NR3C2: variants seen among roughly 807,000 people sequenced by gnomAD.
NR3C2 encodes nuclear receptor subfamily 3 group C member 2.
Under a neutral mutation model 86.4 loss-of-function variants are expected in NR3C2, and 15 were observed. The observed-to-expected ratio is 0.17, with a 90% CI of 0.12 to 0.27. NR3C2 has a LOEUF of 0.27. Among genes scored for constraint, NR3C2 ranks in the 10% least tolerant of loss-of-function variants. The pLI is 1.00. For missense variants in NR3C2, 960 were observed against 1,195.6 expected, an observed-to-expected ratio of 0.80 and a Z score of 2.91; for synonymous variants, 458 against 450.5, an observed-to-expected ratio of 1.02 and a Z score of -0.21.
At chr4:148,363,179 T>C (rs1383859198) in intron 2 of NR3C2, among the ~76,000 whole-genome samples, 1 of 152,162 alleles carries the variant, frequency 6.6e-6, no homozygotes, top group Non-Finnish European at 1.5e-5. Flanking sequence ...TGAGTGACCA[T>C]GAGGGGCTAA....
chr4:148,263,612 T>G (rs376863877), intron 2 of NR3C2, among the ~76,000 whole-genome samples: 1 of 152,246 alleles, frequency 6.6e-6, no homozygotes, highest in Non-Finnish European at 1.5e-5. Flanking sequence ...ATAAAAATCT[T>G]AGTAGGACAC....
chr4:148,382,739 T>C (rs952010435), intron 2 of NR3C2, among the ~76,000 whole-genome samples: 1 of 152,196 alleles, frequency 6.6e-6, no homozygotes, highest in East Asian at 1.9e-4. Context: ...ATACTGAGTT[T>C]TACAACACAA....
intron 2 of NR3C2, among the ~76,000 whole-genome samples, chr4:148,338,888 G>A (rs551311302): frequency 6.6e-6 from 1 of 152,208 alleles, no homozygotes; most frequent in Non-Finnish European, 1.5e-5. Flanking sequence ...ACTGGTGCCA[G>A]TTTGTAAACT....
At chr4:148,417,968 A>C (rs1408232459) in intron 2 of NR3C2, among the ~76,000 whole-genome samples, 1 of 152,214 alleles carries the variant, frequency 6.6e-6, no homozygotes, top group Non-Finnish European at 1.5e-5. Context: ...CCTCTAAAGC[A>C]CAGGTCCCTA....
chr4:148,338,879 C>T (rs746119280), intron 2 of NR3C2, among the ~76,000 whole-genome samples: 1 of 152,206 alleles, frequency 6.6e-6, no homozygotes, highest in African/African-American at 2.4e-5. Context: ...AAATCTAGCA[C>T]TGGTGCCAGT....
intron 6 of NR3C2, among the ~76,000 whole-genome samples, chr4:148,128,891 A>C (rs1252228778): frequency 6.6e-6 from 1 of 152,228 alleles, no homozygotes; most frequent in Non-Finnish European, 1.5e-5. Flanking sequence ...CTTTGCAGAA[A>C]AACTGCATCT....
chr4:148,397,656 C>A (rs1199343395), intron 2 of NR3C2, among the ~76,000 whole-genome samples: 2 of 152,104 alleles, frequency 1.3e-5, no homozygotes, highest in Non-Finnish European at 2.9e-5. Flanking sequence ...CCCCTAAGCA[C>A]CTTATTTCAA....
intron 2 of NR3C2, among the ~76,000 whole-genome samples, chr4:148,319,580 A>G (rs576195307): frequency 3.4e-5 from 5 of 148,984 alleles, no homozygotes; most frequent in African/African-American, 1.3e-4. Flanking sequence ...TTCTCCTTGA[A>G]GAGGTCCTTC....
At chr4:148,278,156 C>A (rs565116815) in intron 2 of NR3C2, among the ~76,000 whole-genome samples, 1 of 152,086 alleles carries the variant, frequency 6.6e-6, no homozygotes, top group African/African-American at 2.4e-5. Flanking sequence ...GGCTGGAGTG[C>A]AGTGGTGTGA....
At chr4:148,149,940 A>G (rs767062771) in intron 6 of NR3C2, among the ~76,000 whole-genome samples, 1 of 152,228 alleles carries the variant, frequency 6.6e-6, no homozygotes, top group Non-Finnish European at 1.5e-5. Context: ...ACCCTTGTAC[A>G]TTGCTGCTGG....
At chr4:148,207,563 A>G (rs1359495961) in intron 3 of NR3C2, among the ~76,000 whole-genome samples, 1 of 152,224 alleles carries the variant, frequency 6.6e-6, no homozygotes, top group Admixed American at 6.5e-5. Context: ...TGCGATTCAT[A>G]AGGCAGTAAT....
intron 3 of NR3C2, among the ~76,000 whole-genome samples, chr4:148,203,956 G>A (rs1015285115): frequency 2.0e-5 from 3 of 152,018 alleles, no homozygotes; most frequent in South Asian, 2.1e-4. Flanking sequence ...TATGTTTTTA[G>A]GATTCTAACA....
At chr4:148,318,091 G>C (rs1474166622) in intron 2 of NR3C2, among the ~76,000 whole-genome samples, 1 of 142,264 alleles carries the variant, frequency 7.0e-6, no homozygotes, top group South Asian at 2.2e-4. Flanking sequence ...TGATCTTACT[G>C]TTCAATTCCC....
intron 4 of NR3C2, among the ~76,000 whole-genome samples, chr4:148,193,925 C>A (rs141984187): frequency 8.6e-4 from 131 of 152,320 alleles, no homozygotes; most frequent in African/African-American, 3.0e-3. Context: ...AATCTCCCAT[C>A]CCTCCACTGA....
At chr4:148,368,373 A>G (rs1274013783) in intron 2 of NR3C2, 2 of 152,206 alleles carry the variant, frequency 1.3e-5, no homozygotes, top group African/African-American at 4.8e-5. Context: ...GTGCTTCAAT[A>G]TTAAGTGTGT....
intron 2 of NR3C2, among the ~76,000 whole-genome samples, chr4:148,421,810 G>GA (rs1257919514): frequency 6.6e-6 from 1 of 152,178 alleles, no homozygotes; most frequent in East Asian, 1.9e-4. Flanking sequence ...CATGTTCACA[G>GA]AATTCTATTC....
In NR3C2 at chr4:148,114,067, A is replaced by T. The variant is rs755123395; in HGVS notation, c.2799+37T>A. The T allele has an allele frequency of 2.5e-6, 4 of 1,610,506 alleles. No homozygotes were observed. The African/African-American group carries it at 5.4e-5, about 22-fold the overall frequency. Reference sequence around the variant, plus strand: ...GTCAGCAGTGTGTATGTGGTTGCTGATCCTTCACTTAGGAACCAAGGAGGG... The same window carrying T: ...GTCAGCAGTGTGTATGTGGTTGCTGTTCCTTCACTTAGGAACCAAGGAGGG... On this transcript the variant is annotated intron_variant, in intron 8 of 8. Transcript: ENST00000358102.
intron 2 of NR3C2, among the ~76,000 whole-genome samples, chr4:148,331,367 C>G (rs1406603669): frequency 6.6e-6 from 1 of 152,170 alleles, no homozygotes; most frequent in African/African-American, 2.4e-5. Context: ...AATCCCCTCA[C>G]AGGGCTACAT....
chr4:148,233,041 A>G (rs942176340), intron 3 of NR3C2, among the ~76,000 whole-genome samples: 5 of 152,188 alleles, frequency 3.3e-5, no homozygotes, highest in Non-Finnish European at 1.5e-5. Flanking sequence ...GACCACTAAA[A>G]CTTTCTCCAT....
Sources: gnomAD v4.1 joint callset for allele counts (sites outside exome capture counted in the v4.1 genomes callset) on GRCh38, gnomAD v4.1.1 for gene constraint, MANE v1.5 for transcripts, NCBI Gene and HGNC (gene_info 2026-07-23, HGNC 2026-07-21) for gene names.